EXOSC2: variants seen among roughly 807,000 people sequenced by gnomAD.
EXOSC2 encodes exosome complex component RRP4.
In EXOSC2, 29 loss-of-function variants were observed where a neutral mutation model predicts 37.6. The ratio of observed to expected loss-of-function variants is 0.77; its 90% CI spans 0.57 to 1.05. The LOEUF (loss-of-function observed/expected upper bound fraction) is 1.05, where lower values mean the gene tolerates loss of function less well. EXOSC2 is among the 50% of genes least tolerant of loss of function. The pLI is 0.00. For missense variants in EXOSC2, 346 were observed against 365.6 expected (o/e 0.95, Z 0.44); for synonymous variants, 119 against 131.1 (o/e 0.91, Z 0.63).
At chr9:130,701,349 C>T (rs1831212225) in intron 6 of EXOSC2, 1 of 158,744 alleles carries the variant, frequency 6.3e-6, no homozygotes, top group African/African-American at 2.4e-5. Flanking sequence ...GATGTTATTG[C>T]TGGCAAAGCT....
Position 130,693,815 on chromosome 9 carries a change from A to T in EXOSC2, c.24A>T (p.Pro8=). The T allele has an allele frequency of 6.2e-7, 1 of 1,608,788 alleles. No homozygotes were observed. Among genetic ancestry groups the T allele is most frequent in the Non-Finnish European group, 8.5e-7 (1 of 1,177,014 alleles). Reference sequence around the variant, plus strand: ...AGATGGCGATGGAGATGAGGCTTCCAGTGGCTCGCAAGCCTCTTAGCGAGA... The same window carrying T: ...AGATGGCGATGGAGATGAGGCTTCCTGTGGCTCGCAAGCCTCTTAGCGAGA... MAMEMRL[P]VARKPLSERL... The change falls in exon 1 of 9, where the codon CCA becomes CCT. Residue 8 remains proline, a synonymous_variant. Transcript: ENST00000372358.
intron 1 of EXOSC2, 97 bp from the exon 2 acceptor site, chr9:130,695,395 G>A (rs1831070468): frequency 9.8e-7 from 1 of 1,021,586 alleles, no homozygotes. Context: ...TTTGCAGGGG[G>A]AGCCTGTTAG....
In EXOSC2 at chr9:130,701,792, G is replaced by A. The variant is rs751715986; in HGVS notation, c.496-342G>A. 777 of 1,042,028 alleles carry A rather than the reference G, an allele frequency of 7.5e-4. 8 individuals carry two copies. The highest frequency in any genetic ancestry group is 2.3e-3 in the Middle Eastern group (5 of 2,216). 64.5% of individuals were successfully genotyped at this position (1,042,028 alleles called of 1,614,324 possible). ...GTATGAGCTAGGGTCATGGAACAAC[G>A]CAGTGCTCCTGGGCCAGCAGGAGGC... On this transcript the variant is annotated intron_variant, in intron 6 of 8. Transcript: ENST00000372358.
chr9:130,700,040 T>G (rs1831178682), intron 5 of EXOSC2, among the ~76,000 whole-genome samples: 1 of 152,160 alleles, frequency 6.6e-6, no homozygotes, highest in African/African-American at 2.4e-5. Flanking sequence ...TTTCTTTTTT[T>G]TTAATGACGG....
At chr9:130,695,265 A>G (rs1376510395) in intron 1 of EXOSC2, among the ~76,000 whole-genome samples, 2 of 152,204 alleles carry the variant, frequency 1.3e-5, no homozygotes, top group Non-Finnish European at 2.9e-5. Flanking sequence ...GGCACAGTCA[A>G]GGTAGGCCTG....
Position 130,698,295 on chromosome 9 carries a change from G to T in EXOSC2, c.360+44G>T, listed in dbSNP as rs749086401. 2 of 1,566,996 alleles carry T rather than the reference G, an allele frequency of 1.3e-6. No individual in the cohort carries two copies. The highest frequency in any genetic ancestry group is 1.7e-5 in the Admixed American group (1 of 59,536). ...GCCATGGACTAGGGCCCAGTGGGCT[G>T]GGGGGAGCCGTGGGACCCTTTGTTC... On this transcript the variant is annotated intron_variant, in intron 4 of 8. Coordinates refer to ENST00000372358, the MANE Select transcript of EXOSC2 (RefSeq NM_014285.7). This position sits in a 1 kb window ranked among gnomAD's most constrained non-coding sequence, Gnocchi z 4.1.
At position 130,698,142 on chromosome 9, in the gene EXOSC2, GT is replaced by G; in HGVS notation, c.271-19del. The G allele has an allele frequency of 6.2e-7, 1 of 1,608,284 alleles. No homozygotes were observed. Among genetic ancestry groups the G allele is most frequent in the Non-Finnish European group, 8.5e-7 (1 of 1,174,738 alleles). On this transcript the variant is annotated intron_variant, in intron 3 of 8. Transcript: ENST00000372358. This position sits in a 1 kb window ranked among gnomAD's most constrained non-coding sequence, Gnocchi z 4.1. ...ACATGAACATGGAGCATGTGTCCAG[GT>G]GTGGAACTTGGCTTATAGGTTCAAC...
chr9:130,703,313 A>T, intron 8 of EXOSC2, 132 bp downstream of exon 8: 13 of 1,025,132 alleles, frequency 1.3e-5, no homozygotes, highest in Non-Finnish European at 1.7e-5. Flanking sequence ...AACAGCCTTA[A>T]TGAGTGTCTG....
Position 130,698,540 on chromosome 9 carries a change from C to G in EXOSC2, c.360+289C>G, listed in dbSNP as rs1464177443. Among the ~76,000 whole-genome samples the G allele has an allele frequency of 6.6e-6, 1 of 152,184 alleles. No individual in the cohort carries two copies. The highest frequency in any genetic ancestry group is 1.5e-5 in the Non-Finnish European group (1 of 68,040). On this transcript the variant is annotated intron_variant, in intron 4 of 8. Transcript: ENST00000372358. The surrounding 1 kb of genome is among the most constrained non-coding windows in gnomAD (Gnocchi z 4.1). ...TAGATGCTGGTTGTTAACAGTTTTCCTTTTTGGATATAACAGCCTTGCATA... is the reference window on the plus strand; with the variant it reads ...TAGATGCTGGTTGTTAACAGTTTTCGTTTTTGGATATAACAGCCTTGCATA...
chr9:130,700,799 G>C (rs1831198466), intron 5 of EXOSC2, 68 bp from the exon 6 acceptor site: 2 of 1,465,090 alleles, frequency 1.4e-6, no homozygotes, highest in South Asian at 2.3e-5. Context: ...GGGTCAAGGG[G>C]AGAGGCTGCA....
rs773723605 is a variant in EXOSC2 at position 130,700,816 on chromosome 9, AGGACAGTGTGTG to A, written c.427-49_427-38del. 5 of 1,572,096 alleles carry A rather than the reference AGGACAGTGTGTG, an allele frequency of 3.2e-6. No individual in the cohort carries two copies. The East Asian group carries it at 9.0e-5, about 28-fold the overall frequency. ...GTCAAGGGGAGAGGCTGCAGAGGAC[AGGACAGTGTGTG>A]GCCAAGGCTGCTGTTTGTTCCTTCA... is the stretch of plus-strand genomic sequence containing the variant. On this transcript the variant is annotated intron_variant, in intron 5 of 8. Transcript: ENST00000372358.
At chr9:130,700,416 A>G (rs1405346144) in intron 5 of EXOSC2, among the ~76,000 whole-genome samples, 5 of 147,700 alleles carry the variant, frequency 3.4e-5, no homozygotes, top group Non-Finnish European at 7.5e-5. Flanking sequence ...CTGGAGTGCA[A>G]TGGTGGGATC....
intron 6 of EXOSC2, chr9:130,701,146 A>T (rs1013020453): frequency 3.9e-6 from 2 of 510,008 alleles, no homozygotes; most frequent in African/African-American, 2.0e-5. Context: ...GTAAAGAACA[A>T]GTTTTATCCT....
chr9:130,699,562 G>T, intron 5 of EXOSC2, 168 bp downstream of exon 5: 1 of 691,456 alleles, frequency 1.4e-6, no homozygotes, highest in Non-Finnish European at 2.5e-6. Flanking sequence ...CTTAATTCAG[G>T]CTGACTCCCC....
In EXOSC2 at chr9:130,698,019, C is replaced by CAGG; in HGVS notation, c.271-143_271-142insAGG. 1 of 700,022 alleles carries CAGG rather than the reference C, an allele frequency of 1.4e-6. No individual in the cohort carries two copies. The highest frequency in any genetic ancestry group is 2.5e-6 in the Non-Finnish European group (1 of 397,986). The allele number at this position is 700,022 out of a possible 1,614,324, so 43.4% of individuals were successfully genotyped here. A position where few individuals can be genotyped will look rare whatever the true frequency, so the allele number is the denominator to read the frequency against. On this transcript the variant is annotated intron_variant, in intron 3 of 8. Coordinates refer to ENST00000372358, the MANE Select transcript of EXOSC2 (RefSeq NM_014285.7). This position sits in a 1 kb window ranked among gnomAD's most constrained non-coding sequence, Gnocchi z 4.1. ...ATATTGGTCAGGCTGGTCTCAAACT[C>CAGG]CTGACCTCAAGTGATCCACCAGCTT...
chr9:130,703,604 A>G (rs1019925774), intron 8 of EXOSC2, 90 bp from the exon 9 acceptor site: 2 of 999,540 alleles, frequency 2.0e-6, no homozygotes, highest in Admixed American at 4.2e-5. Flanking sequence ...CAGAAAGTTT[A>G]TGTTAACGGC....
rs372005026 is a variant in EXOSC2, at chr9:130,702,116, C to T, written c.496-18C>T. 4.1e-4 allele frequency: 654 copies of T among 1,611,888 alleles called. No individual in the cohort carries two copies. The highest frequency in any genetic ancestry group is 5.3e-4 in the Non-Finnish European group (623 of 1,178,996). On this transcript the variant is annotated intron_variant, in intron 6 of 8. Coordinates refer to ENST00000372358, the MANE Select transcript of EXOSC2 (RefSeq NM_014285.7). ...CGCCAATCTTGCAGTGACCTAGCTTCGTGATATATTTCTTTAGCTAGGTCA... is the reference window on the plus strand; with the variant it reads ...CGCCAATCTTGCAGTGACCTAGCTTTGTGATATATTTCTTTAGCTAGGTCA...
rs1472652385 is a variant in EXOSC2, at chr9:130,700,399, G to T, written c.427-468G>T. Among the ~76,000 whole-genome samples, 6 of 150,742 alleles carry T rather than the reference G, an allele frequency of 4.0e-5. No homozygotes were observed. In the East Asian group the frequency reaches 7.8e-4, roughly 20 times the overall value. Reference sequence around the variant, plus strand: ...TTTGAGACGGAGTTTCACTCTTGTTGCCCAGGCTGGAGTGCAATGGTGGGA... The same window carrying T: ...TTTGAGACGGAGTTTCACTCTTGTTTCCCAGGCTGGAGTGCAATGGTGGGA... On this transcript the variant is annotated intron_variant, in intron 5 of 8. Transcript: ENST00000372358.
intron 3 of EXOSC2, 113 bp downstream of exon 3, chr9:130,697,740 C>T (rs756101614): frequency 2.7e-5 from 26 of 952,490 alleles, no homozygotes; most frequent in Non-Finnish European, 3.8e-5. Flanking sequence ...TGCATTTGGC[C>T]GTTGTGTGGC....
Sources: allele counts gnomAD v4.1 joint callset (sites outside exome capture counted in the v4.1 genomes callset), GRCh38; gene constraint gnomAD v4.1.1; non-coding constraint Gnocchi (gnomAD v3.1); transcripts MANE v1.5; gene names NCBI Gene and HGNC (gene_info 2026-07-23, HGNC 2026-07-21).